The following MYBPC1 variants were observed in gnomAD, a reference collection of about 807,000 sequenced individuals.
MYBPC1 encodes the protein myosin-binding protein C, slow-type.
Under a neutral mutation model 147.1 loss-of-function variants are expected in MYBPC1, and 52 were observed. The ratio of observed to expected loss-of-function variants is 0.35; its 90% CI spans 0.28 to 0.45. MYBPC1 has a LOEUF of 0.45. Ranked by LOEUF, MYBPC1 falls within the 20% of genes least tolerant of loss-of-function variation. The probability of loss-of-function intolerance (pLI) is 1.00; values close to 1 mark genes in which losing one functional copy is unlikely to be tolerated. For synonymous variants in MYBPC1, 477 were observed against 475.9 expected (o/e 1.00, Z -0.03); for missense variants, 1,228 against 1,440.3 (o/e 0.85, Z 2.39).
chr12:101,649,564 G>A, intron 15 of MYBPC1, 138 bp downstream of exon 15: 1 of 1,026,006 alleles, frequency 9.7e-7, no homozygotes, highest in Non-Finnish European at 1.5e-6. Context: ...TTCCAGCTAA[G>A]TGTCTATGTC....
chr12:101,648,012 T>C (rs986805613), intron 13 of MYBPC1, 33 bp from the exon 14 acceptor site: 2 of 1,535,598 alleles, frequency 1.3e-6, no homozygotes, highest in Non-Finnish European at 1.8e-6. Flanking sequence ...TTTGGATATT[T>C]AATGATTCTG....
At chr12:101,601,343 T>C (rs1266192143) in intron 1 of MYBPC1, among the ~76,000 whole-genome samples, 1 of 152,168 alleles carries the variant, frequency 6.6e-6, no homozygotes, top group Non-Finnish European at 1.5e-5. Context: ...AAAGAGTATG[T>C]TTGTTTTAGA....
chr12:101,604,373 A>G (rs1178649059), intron 1 of MYBPC1, among the ~76,000 whole-genome samples: 1 of 152,244 alleles, frequency 6.6e-6, no homozygotes, highest in African/African-American at 2.4e-5. Flanking sequence ...TTACATGATC[A>G]AGGTACAATT....
At chr12:101,645,932 G>C (rs910967464) in intron 12 of MYBPC1, among the ~76,000 whole-genome samples, 1 of 152,152 alleles carries the variant, frequency 6.6e-6, no homozygotes, top group Non-Finnish European at 1.5e-5. Flanking sequence ...GAACTGCTGC[G>C]TGTGTTTGTG....
At position 101,632,148 on chromosome 12, in the gene MYBPC1, C is replaced by G. The variant is rs61935677; in HGVS notation, c.556+10C>G. On this transcript the variant is annotated intron_variant, in intron 8 of 31. Transcript: ENST00000361466. ...GATCTTGAAGTGCACGGTAAGAGAG[C>G]CTTCTTGCCTAGATAAATGTAATTT... 0.2 allele frequency: 318,385 copies of G among 1,563,424 alleles called. 33,982 individuals carry two copies. Among genetic ancestry groups the G allele is most frequent in the Middle Eastern group, 0.32 (1,889 of 5,972 alleles).
At chr12:101,692,639 T>C in the MYBPC1 span, among the ~76,000 whole-genome samples, 4 of 148,456 alleles carry the variant, frequency 2.7e-5, no homozygotes, top group South Asian at 4.4e-4. Flanking sequence ...TGGCATAGGA[T>C]AGAAACTCAT....
intron 3 of MYBPC1, among the ~76,000 whole-genome samples, chr12:101,622,595 C>T (rs1221482754): frequency 1.3e-5 from 2 of 152,062 alleles, no homozygotes; most frequent in Non-Finnish European, 2.9e-5. Context: ...ATTAGCCAGG[C>T]ATGGTGACAA....
intron 21 of MYBPC1, 55 bp from the exon 22 acceptor site, chr12:101,663,371 G>C: frequency 6.8e-7 from 1 of 1,470,898 alleles, no homozygotes; most frequent in Non-Finnish European, 9.5e-7. Context: ...CACAGTTCCT[G>C]CACTATAGCT....
At chr12:101,653,364 C>A (rs8181737) in intron 18 of MYBPC1, 116 bp downstream of exon 18, 1 of 1,340,998 alleles carries the variant, frequency 7.5e-7, no homozygotes, top group Non-Finnish European at 1.0e-6. Flanking sequence ...AAATGTACAG[C>A]AGTACAGTAA....
Position 101,599,117 on chromosome 12 carries a change from C to G in MYBPC1, c.25+4022C>G, listed in dbSNP as rs565762021. Among the ~76,000 whole-genome samples the G allele has an allele frequency of 4.6e-5, 7 of 152,276 alleles. No homozygotes were observed. The East Asian group carries it at 5.8e-4, about 13-fold the overall frequency. On this transcript the variant is annotated intron_variant, in intron 1 of 31. Coordinates refer to ENST00000361466, the MANE Select transcript of MYBPC1 (RefSeq NM_002465.4). ...CGTGTAAGATCTCTTCTTGAAAACT[C>G]AAACGTATGGCCAATCACAGGTTCC...
chr12:101,634,528 T>C, intron 8 of MYBPC1, 26 bp from the exon 9 acceptor site: 1 of 1,587,008 alleles, frequency 6.3e-7, no homozygotes, highest in Non-Finnish European at 8.7e-7. Flanking sequence ...TGGGTATTTA[T>C]GTTATTGTTT....
At chr12:101,661,916 G>A (rs201059560) in intron 20 of MYBPC1, among the ~76,000 whole-genome samples, 5 of 124,864 alleles carry the variant, frequency 4.0e-5, no homozygotes, top group East Asian at 2.5e-4. Flanking sequence ...AAAAAAAAAA[G>A]AAAGAAAAAA....
intron 24 of MYBPC1, 37 bp from the exon 25 acceptor site, chr12:101,673,390 G>T: frequency 1.3e-6 from 2 of 1,597,594 alleles, no homozygotes; most frequent in South Asian, 1.1e-5. Flanking sequence ...GAGACAATAT[G>T]ATTTACCCTC....
At position 101,636,866 on chromosome 12, in the gene MYBPC1, A is replaced by G. The variant is rs1891084198; in HGVS notation, c.665+138A>G. 2.1e-5 allele frequency: 15 copies of G among 707,032 alleles called. No individual in the cohort carries two copies. The South Asian group carries it at 2.3e-4, about 11-fold the overall frequency. The allele number at this position is 707,032 out of a possible 1,614,324, so 43.8% of individuals were successfully genotyped here. ...ATGTGTTTTGCTTATAGAATATAAC[A>G]GAGTTGACTAGAAAGAGAGAAACAA... On this transcript the variant is annotated intron_variant, in intron 10 of 31. Coordinates refer to ENST00000361466, the MANE Select transcript of MYBPC1 (RefSeq NM_002465.4).
At chr12:101,629,577 A>G (rs1229433848) in intron 6 of MYBPC1, 33 bp downstream of exon 6, 3 of 1,532,296 alleles carry the variant, frequency 2.0e-6, no homozygotes, top group South Asian at 1.1e-5. Flanking sequence ...TTCCTTTTTT[A>G]AAAAATTAAG....
intron 18 of MYBPC1, among the ~76,000 whole-genome samples, chr12:101,655,631 A>G (rs918561602): frequency 1.3e-5 from 2 of 152,220 alleles, no homozygotes; most frequent in African/African-American, 4.8e-5. Flanking sequence ...GGAGTGACAC[A>G]TTGAAAGTGT....
chr12:101,603,345 CA>C (rs111935505), intron 1 of MYBPC1, among the ~76,000 whole-genome samples: 2,940 of 127,710 alleles, frequency 0.023, 80 homozygotes, highest in African/African-American at 0.073. Flanking sequence ...AACTCCGTCT[CA>C]AAAAAAAAAA....
chr12:101,660,181 A>G (rs1896279275), intron 19 of MYBPC1: 1 of 363,652 alleles, frequency 2.7e-6, no homozygotes. Context: ...AAAGCTGAAT[A>G]AAATGAGTCT....
intron 1 of MYBPC1, among the ~76,000 whole-genome samples, chr12:101,612,994 C>T (rs1486381992): frequency 1.3e-5 from 2 of 152,172 alleles, no homozygotes; most frequent in Non-Finnish European, 2.9e-5. Flanking sequence ...CATCCTGCCA[C>T]GTTTTCTTCT....
Sources: gnomAD v4.1 joint callset for allele counts (sites outside exome capture counted in the v4.1 genomes callset) on GRCh38, gnomAD v4.1.1 for gene constraint, MANE v1.5 for transcripts, NCBI Gene and HGNC (gene_info 2026-07-23, HGNC 2026-07-21) for gene names.